MORC2: variants seen among roughly 807,000 people sequenced by gnomAD.
The protein encoded by MORC2 is ATPase MORC2.
Under a neutral mutation model 136.0 loss-of-function variants are expected in MORC2, and 30 were observed. The ratio of observed to expected loss-of-function variants is 0.22; its 90% confidence interval spans 0.17 to 0.30. MORC2 has a LOEUF of 0.30. Among genes scored for constraint, MORC2 ranks in the 10% least tolerant of loss-of-function variants. The pLI is 1.00. For synonymous variants in MORC2, 439 were observed against 487.0 expected, an observed-to-expected ratio of 0.90 and a Z score of 1.30; for missense variants, 922 against 1,333.1, an observed-to-expected ratio of 0.69 and a Z score of 4.80.
chr22:30,956,710 T>A, intron 3 of MORC2, 53 bp downstream of exon 3: 2 of 1,361,550 alleles, frequency 1.5e-6, no homozygotes, highest in East Asian at 5.1e-5. Flanking sequence ...TTAGGCACAG[T>A]AATAAATGCA....
intron 1 of MORC2, 116 bp downstream of exon 1, chr22:30,967,688 ATCCAGTGACACATTTCAC>A: frequency 6.8e-7 from 1 of 1,478,410 alleles, no homozygotes; most frequent in Non-Finnish European, 9.0e-7. Flanking sequence ...AGCTCAAGAT[ATCCAGTGACACATTTCAC>A]TCCAGTGGGA....
chr22:30,947,925 TCTC>T (rs1252612475), intron 5 of MORC2, among the ~76,000 whole-genome samples: 4 of 152,296 alleles, frequency 2.6e-5, no homozygotes, highest in East Asian at 3.9e-4. Context: ...CAAATCACCT[TCTC>T]CTGAAACTTA....
intron 3 of MORC2, among the ~76,000 whole-genome samples, chr22:30,954,072 G>A (rs949127238): frequency 6.6e-6 from 1 of 152,182 alleles, no homozygotes; most frequent in African/African-American, 2.4e-5. Context: ...GGGGGGCCAA[G>A]GCAGTCAGAT....
At chr22:30,953,618 T>C (rs974770710) in intron 3 of MORC2, among the ~76,000 whole-genome samples, 3 of 152,230 alleles carry the variant, frequency 2.0e-5, no homozygotes, top group Non-Finnish European at 4.4e-5. Flanking sequence ...GCAGTATTAA[T>C]TGCAGTTTCA....
intron 10 of MORC2, 135 bp downstream of exon 10, chr22:30,940,623 A>G: frequency 1.3e-6 from 1 of 755,544 alleles, no homozygotes; most frequent in Non-Finnish European, 2.4e-6. Context: ...GCTGCAAAGG[A>G]ACTGAACTAT....
intron 24 of MORC2, 46 bp from the exon 25 acceptor site, chr22:30,928,253 T>C (rs1569186128): frequency 6.2e-7 from 1 of 1,602,464 alleles, no homozygotes; most frequent in South Asian, 1.1e-5. Context: ...TTCACAGGGG[T>C]CCCCAGGGCC....
chr22:30,941,785 A>C lies in MORC2; in HGVS notation c.698+106T>G. 1 of 1,202,690 alleles carries C rather than the reference A, an allele frequency of 8.3e-7. No homozygotes were observed. The highest frequency in any genetic ancestry group is 1.2e-6 in the Non-Finnish European group (1 of 830,682). 74.5% of individuals were successfully genotyped at this position (1,202,690 alleles called of 1,614,324 possible). On this transcript the variant is annotated intron_variant, in intron 8 of 25. Transcript: ENST00000397641. This position sits in a 1 kb window ranked among gnomAD's most constrained non-coding sequence, Gnocchi z 4.6. Reference sequence around the variant, plus strand: ...AGCTGGCCCTACATACTACCCTACCACAGAACACTGGGCAATGAATGTGCT... The same window carrying C: ...AGCTGGCCCTACATACTACCCTACCCCAGAACACTGGGCAATGAATGTGCT...
chr22:30,952,628 G>A (rs917054878), intron 3 of MORC2, among the ~76,000 whole-genome samples: 1 of 152,200 alleles, frequency 6.6e-6, no homozygotes, highest in Non-Finnish European at 1.5e-5. Flanking sequence ...ACTGCCTCAG[G>A]GCCAAGAAAG....
Position 30,949,746 on chromosome 22 carries a change from AC to A in MORC2, c.317+5del. 6.2e-7 allele frequency: 1 copy of A among 1,612,368 alleles called. No homozygotes were observed. The highest frequency in any genetic ancestry group is 8.5e-7 in the Non-Finnish European group (1 of 1,178,458). ...GAGCCCTGTGACAAGCTTCTAATATACCTACGATTTTAACCCATTCCCGTAC... is the reference window on the plus strand; with the variant it reads ...GAGCCCTGTGACAAGCTTCTAATATACTACGATTTTAACCCATTCCCGTAC... On this transcript the variant is annotated splice_donor_5th_base_variant and intron_variant, in intron 5 of 25. Coordinates refer to ENST00000397641, the MANE Select transcript of MORC2 (RefSeq NM_001303256.3).
chr22:30,929,232 A>G (rs1361114592), intron 24 of MORC2, among the ~76,000 whole-genome samples: 1 of 152,268 alleles, frequency 6.6e-6, no homozygotes, highest in Non-Finnish European at 1.5e-5. Context: ...AGTATACAAC[A>G]TCTTGAAAGT....
In MORC2 at chr22:30,968,454, C is replaced by T. The variant is rs1602523474; in HGVS notation, c.-565G>A. Among the ~76,000 whole-genome samples the T allele has an allele frequency of 6.6e-6, 1 of 152,188 alleles. No individual in the cohort carries two copies. The highest frequency in any genetic ancestry group is 6.5e-5 in the Admixed American group (1 of 15,280). ...TATATGGCGCAAGTTGCAGCTTCAC[C>T]ACCTCCCAAGTGAAAAAGCTCCTAG... On this transcript the variant is annotated 5_prime_UTR_variant, in exon 1 of 26. Transcript: ENST00000397641.
At chr22:30,954,952 A>ATT (rs34059352) in intron 3 of MORC2, among the ~76,000 whole-genome samples, 3,449 of 105,030 alleles carry the variant, frequency 0.033, 126 homozygotes, top group Non-Finnish European at 0.038. Context: ...TGGCCTGAGC[A>ATT]TTTTTTTTTT....
chr22:30,952,651 T>C (rs948538802), intron 3 of MORC2, among the ~76,000 whole-genome samples: 3 of 152,250 alleles, frequency 2.0e-5, no homozygotes, highest in African/African-American at 4.8e-5. Flanking sequence ...TAAGACAGCA[T>C]TGACTTCTTC....
At position 30,939,948 on chromosome 22, in the gene MORC2, CG is replaced by C. The variant is rs1569193635; in HGVS notation, c.987+10del. On this transcript the variant is annotated intron_variant, in intron 11 of 25. Coordinates refer to ENST00000397641, the MANE Select transcript of MORC2 (RefSeq NM_001303256.3). ...AACGCTGGAGAACAGCCGCCTGGGC[CG>C]GGACCTTACCCTGGAGTCCCGCGTG... 1 of 1,612,970 alleles carries C rather than the reference CG, an allele frequency of 6.2e-7. No individual in the cohort carries two copies. Among genetic ancestry groups the C allele is most frequent in the Middle Eastern group, 1.7e-4 (1 of 6,050 alleles).
At chr22:30,940,125 G>A (rs763788739) in intron 10 of MORC2, 84 bp from the exon 11 acceptor site, 7 of 1,353,268 alleles carry the variant, frequency 5.2e-6, no homozygotes, top group East Asian at 2.3e-5. Context: ...TACTGGACAC[G>A]AAGTGTGTAC....
chr22:30,935,437 C>A, intron 17 of MORC2, 115 bp from the exon 18 acceptor site: 1 of 1,004,038 alleles, frequency 1.0e-6, no homozygotes, highest in Non-Finnish European at 1.5e-6. Context: ...AGCCATAGTC[C>A]TACTCTTACA....
Position 30,937,564 on chromosome 22 carries a change from G to T in MORC2, c.1498+19C>A, listed in dbSNP as rs759177761. ...GGGCTGATGGAAATGAGTCGGGGGG[G>T]TCCAACCACCCAACTCACCGCACTG... On this transcript the variant is annotated intron_variant, in intron 15 of 25. Transcript: ENST00000397641. The surrounding 1 kb of genome is among the most constrained non-coding windows in gnomAD (Gnocchi z 4.7). The T allele has an allele frequency of 2.5e-6, 4 of 1,610,844 alleles. No homozygotes were observed. Among genetic ancestry groups the T allele is most frequent in the Non-Finnish European group, 3.4e-6 (4 of 1,179,300 alleles).
At chr22:30,942,746 T>A (rs1483798902) in intron 6 of MORC2, among the ~76,000 whole-genome samples, 1 of 152,108 alleles carries the variant, frequency 6.6e-6, no homozygotes, top group African/African-American at 2.4e-5. Flanking sequence ...GGCTCATGTC[T>A]GTAATCCCAG....
rs139327383 is a variant in MORC2, at chr22:30,941,977, G to A, written c.612C>T (p.Leu204=). Residue 204 remains leucine, a synonymous_variant, in exon 8 of 26, where the codon CTC becomes CTT. Transcript: ENST00000397641. The surrounding 1 kb of genome is among the most constrained non-coding windows in gnomAD (Gnocchi z 4.6). The part of the protein sequence containing the change: ...DSGTLVIIFN[L]KLMDNGEPEL... Reference sequence around the variant, plus strand: ...CTGGCTCTCCATTATCCATGAGTTTGAGATTGAAGATGATCACCAATGTTC... The same window carrying A: ...CTGGCTCTCCATTATCCATGAGTTTAAGATTGAAGATGATCACCAATGTTC... 6 of 1,613,686 alleles carry A rather than the reference G, an allele frequency of 3.7e-6. No individual in the cohort carries two copies. The African/African-American group carries it at 6.7e-5, about 18-fold the overall frequency.
Sources: allele counts gnomAD v4.1 joint callset (sites outside exome capture counted in the v4.1 genomes callset), GRCh38; gene constraint gnomAD v4.1.1; non-coding constraint Gnocchi (gnomAD v3.1); transcripts MANE v1.5; gene names NCBI Gene and HGNC (gene_info 2026-07-23, HGNC 2026-07-21).